RFX3: variants seen among roughly 807,000 people sequenced by gnomAD.
RFX3 encodes transcription factor RFX3.
A neutral mutation model predicts 98.6 loss-of-function variants in RFX3; 14 were observed. The ratio of observed to expected loss-of-function variants is 0.14; its 90% confidence interval spans 0.09 to 0.22. The LOEUF is 0.22. Ranked by LOEUF, RFX3 falls within the 10% of genes least tolerant of loss-of-function variation. RFX3 has a pLI of 1.00. For missense variants in RFX3, 639 were observed against 926.9 expected, an observed-to-expected ratio of 0.69 and a Z score of 4.03; for synonymous variants, 383 against 328.4, an observed-to-expected ratio of 1.17 and a Z score of -1.80.
intron 1 of RFX3, among the ~76,000 whole-genome samples, chr9:3,496,707 T>C (rs934231593): frequency 1.2e-4 from 19 of 152,042 alleles, no homozygotes; most frequent in African/African-American, 4.6e-4. Context: ...AAGGAACTTA[T>C]TTAAGGATAA....
Position 3,360,848 on chromosome 9 carries a change from T to A in RFX3, c.118-14084A>T, listed in dbSNP as rs577630781. ...TGTGCTTCAAGAAAAATAAAATGAATCACACCTCAAAACAGAAATCCTTTT... is the reference window on the plus strand; with the variant it reads ...TGTGCTTCAAGAAAAATAAAATGAAACACACCTCAAAACAGAAATCCTTTT... On this transcript the variant is annotated intron_variant, in intron 2 of 16. Transcript: ENST00000617270. Among the ~76,000 whole-genome samples the A allele has an allele frequency of 2.6e-4, 39 of 152,224 alleles. No homozygotes were observed. The South Asian group carries it at 7.3e-3, about 28-fold the overall frequency.
chr9:3,393,188 T>C (rs1485036942), intron 2 of RFX3, among the ~76,000 whole-genome samples: 1 of 152,008 alleles, frequency 6.6e-6, no homozygotes, highest in African/African-American at 2.4e-5. Context: ...TTTAAATAAA[T>C]GGAGGTAAAT....
Position 3,303,453 on chromosome 9 carries a change from G to C in RFX3, c.475-1833C>G, listed in dbSNP as rs145067675. Among the ~76,000 whole-genome samples the C allele has an allele frequency of 3.3e-4, 50 of 151,808 alleles. No homozygotes were observed. The East Asian group carries it at 9.3e-3, about 28-fold the overall frequency. On this transcript the variant is annotated intron_variant, in intron 4 of 16. Coordinates refer to ENST00000617270, the MANE Select transcript of RFX3 (RefSeq NM_001282116.2). ...TACCTATATTTTCTTTAAAGTTTGAGTGCAGAGAATTTGAGGTAAGATTTC... is the reference window on the plus strand; with the variant it reads ...TACCTATATTTTCTTTAAAGTTTGACTGCAGAGAATTTGAGGTAAGATTTC...
Position 3,225,109 on chromosome 9 carries a change from T to C in RFX3, c.2183A>G (p.His728Arg). The change falls in exon 17 of 17, where the codon CAC (histidine) becomes CGC (arginine). Residue 728 changes from histidine (H) to arginine (R), a missense_variant. Transcript: ENST00000617270. ...PSLLNPIHSE[H>R]IVTSTQTIRQ... The stretch of plus-strand genomic sequence containing the variant: ...GATAGTCTGAGTACTTGTGACAATG[T>C]GCTCGCTGTGAATTGGATTCAGGAG... The C allele has an allele frequency of 6.2e-7, 1 of 1,613,982 alleles. No homozygotes were observed. The highest frequency in any genetic ancestry group is 1.3e-5 in the African/African-American group (1 of 75,040).
chr9:3,319,558 T>G (rs960426896), intron 4 of RFX3, among the ~76,000 whole-genome samples: 3 of 152,184 alleles, frequency 2.0e-5, no homozygotes, highest in African/African-American at 7.2e-5. Context: ...TTTGAACTTG[T>G]ATAAGCAATA....
At chr9:3,345,877 G>A (rs1217861821) in intron 3 of RFX3, among the ~76,000 whole-genome samples, 1 of 152,150 alleles carries the variant, frequency 6.6e-6, no homozygotes, top group East Asian at 1.9e-4. Context: ...GGAAAGAGTA[G>A]ATGTAGTAAG....
intron 16 of RFX3, among the ~76,000 whole-genome samples, chr9:3,226,452 A>G (rs952918505): frequency 6.6e-6 from 1 of 152,190 alleles, no homozygotes. Flanking sequence ...TGTACAGTGT[A>G]CAGCCACCAT....
In RFX3 at chr9:3,330,494, G is replaced by C; in HGVS notation, c.239C>G (p.Thr80Arg). Residue 80 changes from threonine (T) to arginine (R), a missense_variant, in exon 4 of 17, where the codon ACA becomes AGA. By Grantham distance (71) the Thr-to-Arg change is moderately conservative. Transcript: ENST00000617270. ...GAIRTTTYPY[T>R]ETQMYSQNTG... The stretch of plus-strand genomic sequence containing the variant: ...ATTTTGGCTGTACATCTGTGTCTCT[G>C]TGTAAGGATACGTTGTTGTTCGGCT... The C allele has an allele frequency of 6.2e-7, 1 of 1,612,528 alleles. No individual in the cohort carries two copies. The highest frequency in any genetic ancestry group is 8.5e-7 in the Non-Finnish European group (1 of 1,178,700).
At position 3,336,244 on chromosome 9, in the gene RFX3, T is replaced by G. The variant is rs140348882; in HGVS notation, c.216-5727A>C. The stretch of plus-strand genomic sequence containing the variant: ...TTTAGGCTACTCTGCATACATTCTT[T>G]TAACAAATATTTAATAAGCATCTAT... On this transcript the variant is annotated intron_variant, in intron 3 of 16. Transcript: ENST00000617270. Among the ~76,000 whole-genome samples the G allele has an allele frequency of 3.2e-4, 49 of 152,256 alleles. No homozygotes were observed. In the East Asian group the frequency reaches 8.7e-3, roughly 27 times the overall value.
intron 1 of RFX3, among the ~76,000 whole-genome samples, chr9:3,464,866 A>C (rs1054344085): frequency 6.6e-6 from 1 of 152,186 alleles, no homozygotes; most frequent in Non-Finnish European, 1.5e-5. Context: ...CATCCAAGAA[A>C]CAGTTCCAAT....
At chr9:3,467,735 G>T (rs551881469) in intron 1 of RFX3, among the ~76,000 whole-genome samples, 1 of 152,158 alleles carries the variant, frequency 6.6e-6, no homozygotes, top group Non-Finnish European at 1.5e-5. Context: ...ACCTGGAATG[G>T]AAAGAACAGA....
chr9:3,435,059 G>C (rs1844997040), intron 1 of RFX3, among the ~76,000 whole-genome samples: 1 of 151,730 alleles, frequency 6.6e-6, no homozygotes, highest in Non-Finnish European at 1.5e-5. Context: ...TGGTATATTT[G>C]TATTAGGCAC....
chr9:3,362,238 G>C (rs981203594), intron 2 of RFX3, among the ~76,000 whole-genome samples: 1 of 152,198 alleles, frequency 6.6e-6, no homozygotes, highest in Non-Finnish European at 1.5e-5. Context: ...CAAAGTTGCT[G>C]TGAATCTTCT....
chr9:3,433,987 C>T (rs1379151593), intron 1 of RFX3, among the ~76,000 whole-genome samples: 1 of 152,086 alleles, frequency 6.6e-6, no homozygotes, highest in East Asian at 1.9e-4. Context: ...TCTGCCAAAC[C>T]CTGCTCTAGA....
chr9:3,469,337 G>C (rs973348301), intron 1 of RFX3, among the ~76,000 whole-genome samples: 2 of 152,034 alleles, frequency 1.3e-5, no homozygotes, highest in Non-Finnish European at 2.9e-5. Context: ...AGTACCATTA[G>C]AATCTAGAAA....
chr9:3,253,199 C>A (rs147659752), intron 14 of RFX3, among the ~76,000 whole-genome samples: 1 of 152,250 alleles, frequency 6.6e-6, no homozygotes, highest in South Asian at 2.1e-4. Flanking sequence ...CCCTAACATG[C>A]GATAGCCAAC....
At chr9:3,395,415 T>C (rs1429226184) in intron 2 of RFX3, 57 bp downstream of exon 2, 31 of 1,594,172 alleles carry the variant, frequency 1.9e-5, no homozygotes, top group Non-Finnish European at 2.5e-5. Flanking sequence ...ACAGGTATGT[T>C]GGACAGCCAA....
In RFX3 at chr9:3,221,719, C is replaced by T. The variant is rs1437749092; in HGVS notation, c.*3323G>A. On this transcript the variant is annotated 3_prime_UTR_variant, in exon 17 of 17. Coordinates refer to ENST00000617270, the MANE Select transcript of RFX3 (RefSeq NM_001282116.2). ...TTCATCCATTCCACCCTATTGTTCACTGGTTTCATGAATGCAAATCTTTTG... is the reference window on the plus strand; with the variant it reads ...TTCATCCATTCCACCCTATTGTTCATTGGTTTCATGAATGCAAATCTTTTG... 1 of 152,118 alleles carries T rather than the reference C, an allele frequency of 6.6e-6. No individual in the cohort carries two copies. The highest frequency in any genetic ancestry group is 1.9e-4 in the East Asian group (1 of 5,198). The allele number at this position is 152,118 out of a possible 1,614,324, so 9.4% of individuals were successfully genotyped here. A position where few individuals can be genotyped will look rare whatever the true frequency, so the allele number is the denominator to read the frequency against.
At chr9:3,276,219 G>C (rs1339463011) in intron 8 of RFX3, among the ~76,000 whole-genome samples, 3 of 152,062 alleles carry the variant, frequency 2.0e-5, no homozygotes, top group Non-Finnish European at 4.4e-5. Context: ...CTTTGTGGTG[G>C]CTGCTTCTCC....
Sources: allele counts gnomAD v4.1 joint callset (sites outside exome capture counted in the v4.1 genomes callset), GRCh38; gene constraint gnomAD v4.1.1; transcripts MANE v1.5; gene names NCBI Gene and HGNC (gene_info 2026-07-23, HGNC 2026-07-21).